The following GLTP variants were observed in gnomAD, a reference collection of about 807,000 sequenced individuals.
GLTP encodes the protein glycolipid transfer protein.
A neutral mutation model predicts 24.0 loss-of-function variants in GLTP; 22 were observed. The observed-to-expected ratio is 0.92, with a 90% confidence interval of 0.65 to 1.31. The LOEUF is 1.31. GLTP is among the 50% of genes most tolerant of loss of function. GLTP has a pLI of 0.00. For synonymous variants in GLTP, 92 were observed against 115.9 expected (o/e 0.79, Z 1.33); for missense variants, 224 against 276.6 (o/e 0.81, Z 1.35).
At chr12:109,872,903 T>G (rs1387076620) in intron 1 of GLTP, among the ~76,000 whole-genome samples, 1 of 152,250 alleles carries the variant, frequency 6.6e-6, no homozygotes, top group African/African-American at 2.4e-5. Flanking sequence ...TCTTGGGATA[T>G]TCTTCACCAA....
intron 1 of GLTP, among the ~76,000 whole-genome samples, chr12:109,879,531 G>A (rs1378051429): frequency 1.3e-5 from 2 of 152,122 alleles, no homozygotes; most frequent in African/African-American, 4.8e-5. Flanking sequence ...CCAAACTGAG[G>A]GAGGAATTGG....
chr12:109,861,125 G>A (rs1173772792), intron 1 of GLTP, among the ~76,000 whole-genome samples: 1 of 152,166 alleles, frequency 6.6e-6, no homozygotes, highest in Non-Finnish European at 1.5e-5. Flanking sequence ...TGGGCACCAA[G>A]TGACCGCATG....
At chr12:109,861,723 G>A (rs1211165691) in intron 1 of GLTP, among the ~76,000 whole-genome samples, 1 of 148,182 alleles carries the variant, frequency 6.7e-6, no homozygotes, top group Admixed American at 6.9e-5. Flanking sequence ...ACTCCAGCCT[G>A]GCGACAGAGC....
chr12:109,873,535 G>A (rs759868132), intron 1 of GLTP, among the ~76,000 whole-genome samples: 6 of 151,106 alleles, frequency 4.0e-5, no homozygotes, highest in Non-Finnish European at 1.5e-5. Context: ...TGGGGAGGCT[G>A]AGCCAGGAGA....
intron 1 of GLTP, among the ~76,000 whole-genome samples, chr12:109,867,386 C>T (rs1179326826): frequency 6.6e-6 from 1 of 152,058 alleles, no homozygotes; most frequent in African/African-American, 2.4e-5. Flanking sequence ...TGAGCTCAAG[C>T]GATCCACCCA....
rs775784984 is a variant in GLTP at position 109,880,336 on chromosome 12, G to A, written c.39C>T (p.Pro13=). The part of the protein sequence containing the change: ...LLAEHLLKPL[P]ADKQIETGPF... Reference sequence around the variant, plus strand: ...GCCCGGTCTCGATCTGCTTGTCCGCGGGCAGCGGCTTCAGCAAGTGTTCGG... The same window carrying A: ...GCCCGGTCTCGATCTGCTTGTCCGCAGGCAGCGGCTTCAGCAAGTGTTCGG... Residue 13 remains proline, a synonymous_variant, in exon 1 of 5, where the codon CCC becomes CCT. Transcript: ENST00000318348. This position sits in a 1 kb window ranked among gnomAD's most constrained non-coding sequence, Gnocchi z 5.1. 1 of 1,603,958 alleles carries A rather than the reference G, an allele frequency of 6.2e-7. No individual in the cohort carries two copies. The highest frequency in any genetic ancestry group is 1.7e-5 in the Admixed American group (1 of 59,452).
At chr12:109,873,825 C>CAA (rs1350928295) in intron 1 of GLTP, among the ~76,000 whole-genome samples, 1 of 151,988 alleles carries the variant, frequency 6.6e-6, no homozygotes, top group Non-Finnish European at 1.5e-5. Context: ...AAAACACACA[C>CAA]ACACACACAC....
At chr12:109,870,055 T>C (rs1226873844) in intron 1 of GLTP, among the ~76,000 whole-genome samples, 3 of 152,140 alleles carry the variant, frequency 2.0e-5, no homozygotes. Flanking sequence ...GTTTCCTCAT[T>C]TTTAAAATGA....
At chr12:109,852,802 GC>G in intron 4 of GLTP, 65 bp from the exon 5 acceptor site, 1 of 1,075,656 alleles carries the variant, frequency 9.3e-7, no homozygotes, top group Non-Finnish European at 1.4e-6. Context: ...AGGCCAGCAG[GC>G]CAGGGTTCTG....
intron 1 of GLTP, among the ~76,000 whole-genome samples, chr12:109,864,796 T>C (rs1592891324): frequency 1.3e-5 from 2 of 152,340 alleles, no homozygotes; most frequent in East Asian, 3.9e-4. Context: ...CGATTTTAAT[T>C]CCCAAGCATG....
At chr12:109,877,658 G>C (rs1421018247) in intron 1 of GLTP, among the ~76,000 whole-genome samples, 1 of 152,142 alleles carries the variant, frequency 6.6e-6, no homozygotes. Flanking sequence ...GGAAACTGTA[G>C]CTGCAAGGCG....
intron 1 of GLTP, among the ~76,000 whole-genome samples, chr12:109,868,654 G>A (rs1868618595): frequency 6.6e-6 from 1 of 152,234 alleles, no homozygotes; most frequent in Non-Finnish European, 1.5e-5. Context: ...GGAAGAACAG[G>A]ATGCCCGTGT....
chr12:109,859,215 C>T (rs554589746), intron 1 of GLTP, among the ~76,000 whole-genome samples: 29 of 152,218 alleles, frequency 1.9e-4, no homozygotes, highest in South Asian at 2.1e-4. Context: ...CCATCATACC[C>T]GGCTAATTAA....
intron 1 of GLTP, among the ~76,000 whole-genome samples, chr12:109,869,157 G>A (rs1349037368): frequency 6.6e-6 from 1 of 151,528 alleles, no homozygotes; most frequent in African/African-American, 2.4e-5. Context: ...AAAATGAGTC[G>A]GGCATGGTGG....
At chr12:109,864,388 T>G (rs1183719552) in intron 1 of GLTP, among the ~76,000 whole-genome samples, 2 of 152,164 alleles carry the variant, frequency 1.3e-5, no homozygotes, top group African/African-American at 2.4e-5. Context: ...AGCAGTGGCA[T>G]CCACAGTCCT....
rs1892785652 is a variant in GLTP, at chr12:109,855,622, G to A, written c.444C>T (p.Phe148=). The A allele has an allele frequency of 1.3e-6, 2 of 1,547,170 alleles. No individual in the cohort carries two copies. Among genetic ancestry groups the A allele is most frequent in the Non-Finnish European group, 1.7e-6 (2 of 1,144,780 alleles). ...KYHGWIVQKI[F]QAALYAAPYK... ...GGGGCTCATGGGGGTGGCTCACCTG[G>A]AAGATCTTCTGCACGATCCAGCCAT... The change falls in exon 4 of 5, where the codon TTC becomes TTT. Residue 148 remains phenylalanine (F), a synonymous_variant. Transcript: ENST00000318348. This position sits in a 1 kb window ranked among gnomAD's most constrained non-coding sequence, Gnocchi z 4.1.
At chr12:109,863,629 GAT>G in intron 1 of GLTP, among the ~76,000 whole-genome samples, 1 of 152,206 alleles carries the variant, frequency 6.6e-6, no homozygotes. Context: ...ATCCAACCCA[GAT>G]GACAGAGGAT....
chr12:109,853,966 A>G (rs982664655), intron 4 of GLTP, among the ~76,000 whole-genome samples: 3 of 115,346 alleles, frequency 2.6e-5, no homozygotes, highest in Admixed American at 9.5e-5. Flanking sequence ...CTGATCTCCA[A>G]CCTGACCTCA....
chr12:109,878,012 T>C (rs1054788854), intron 1 of GLTP, among the ~76,000 whole-genome samples: 2 of 152,188 alleles, frequency 1.3e-5, no homozygotes, highest in East Asian at 3.8e-4. Flanking sequence ...GGTTAACCCA[T>C]TGTGGACCAA....
Sources: allele counts gnomAD v4.1 joint callset (sites outside exome capture counted in the v4.1 genomes callset), GRCh38; gene constraint gnomAD v4.1.1; non-coding constraint Gnocchi (gnomAD v3.1); transcripts MANE v1.5; gene names NCBI Gene and HGNC (gene_info 2026-07-23, HGNC 2026-07-21).